SPOP: variants seen among roughly 807,000 people sequenced by gnomAD.
The protein encoded by SPOP is speckle-type POZ protein.
A neutral mutation model predicts 45.6 loss-of-function variants in SPOP; 11 were observed. The observed-to-expected ratio is 0.24, with a 90% CI of 0.15 to 0.40. The LOEUF (loss-of-function observed/expected upper bound fraction) is 0.40, where lower values mean the gene tolerates loss of function less well. Ranked by LOEUF, SPOP falls within the 10% of genes least tolerant of loss-of-function variation. The pLI is 1.00. For missense variants in SPOP, 152 were observed against 465.6 expected (o/e 0.33, Z 6.20); for synonymous variants, 166 against 166.3 (o/e 1.00, Z 0.01).
chr17:49,607,495 A>C, intron 7 of SPOP, 123 bp from the exon 8 acceptor site: 2 of 1,266,138 alleles, frequency 1.6e-6, no homozygotes, highest in Non-Finnish European at 2.1e-6. Context: ...CCTAACATTA[A>C]TGGAAAATTT....
chr17:49,674,372 T>C lies in SPOP; in HGVS notation c.-67+3561A>G, dbSNP rs1468804088. 2.0e-5 allele frequency among the ~76,000 whole-genome samples: 3 copies of C among 152,210 alleles called. No individual in the cohort carries two copies. The East Asian group carries it at 5.8e-4, about 29-fold the overall frequency. On this transcript the variant is annotated intron_variant, in intron 1 of 9. Transcript: ENST00000504102. ...TGATGGGAGACTTTTTATTATTGCT[T>C]CAATCTCGTTACTCACTATTATTGA...
At chr17:49,662,686 C>CAA (rs1328037454) in intron 1 of SPOP, among the ~76,000 whole-genome samples, 1 of 117,366 alleles carries the variant, frequency 8.5e-6, no homozygotes, top group Middle Eastern at 4.4e-3. Flanking sequence ...GACTCCATCT[C>CAA]AAAAAAAAAA....
intron 6 of SPOP, 77 bp from the exon 7 acceptor site, chr17:49,608,006 G>C: frequency 7.3e-7 from 1 of 1,361,136 alleles, no homozygotes; most frequent in Non-Finnish European, 1.0e-6. Context: ...ATGAGGGAGA[G>C]ATCATTTTCT....
intron 8 of SPOP, among the ~76,000 whole-genome samples, chr17:49,605,183 G>C (rs1217230938): frequency 6.6e-6 from 1 of 152,156 alleles, no homozygotes; most frequent in Admixed American, 6.5e-5. Flanking sequence ...ATTGAAATGT[G>C]TCATGAAGTA....
Position 49,653,409 on chromosome 17 carries a change from C to CAT in SPOP, c.-67+24522_-67+24523dup, listed in dbSNP as rs201627354. On this transcript the variant is annotated intron_variant, in intron 1 of 9. Transcript: ENST00000504102. Reference sequence around the variant, plus strand: ...AATGAACACAACAGGCATCTACCAGCATATATATATATAAAATACAAATAA... The same window carrying CAT: ...AATGAACACAACAGGCATCTACCAGCATATATATATATATAAAATACAAATAA... Among the ~76,000 whole-genome samples the CAT allele has an allele frequency of 4.8e-4, 72 of 151,328 alleles. 1 individual carries two copies. Among genetic ancestry groups the CAT allele is most frequent in the South Asian group, 1.3e-3 (6 of 4,796 alleles).
chr17:49,644,654 A>G (rs1400018889), intron 1 of SPOP, among the ~76,000 whole-genome samples: 1 of 152,208 alleles, frequency 6.6e-6, no homozygotes, highest in Admixed American at 6.5e-5. Context: ...GAAGACCTAG[A>G]TCTGAATCTA....
intron 8 of SPOP, among the ~76,000 whole-genome samples, chr17:49,605,661 G>A (rs560572856): frequency 1.3e-5 from 2 of 151,634 alleles, no homozygotes; most frequent in East Asian, 3.9e-4. Flanking sequence ...CTGCACTCCA[G>A]CCTGGGCAAC....
chr17:49,672,877 G>A (rs577786393), intron 1 of SPOP, among the ~76,000 whole-genome samples: 14 of 152,144 alleles, frequency 9.2e-5, no homozygotes, highest in East Asian at 1.9e-4. Flanking sequence ...AACCCTGGAC[G>A]CAAAGGTTGC....
At chr17:49,614,139 TAC>T (rs1391491512) in intron 5 of SPOP, among the ~76,000 whole-genome samples, 2 of 152,204 alleles carry the variant, frequency 1.3e-5, no homozygotes, top group Non-Finnish European at 2.9e-5. Context: ...CCCAGGGAAA[TAC>T]ATTTTTTAAC....
intron 1 of SPOP, among the ~76,000 whole-genome samples, chr17:49,665,472 A>G (rs1390902513): frequency 1.3e-5 from 2 of 151,598 alleles, no homozygotes; most frequent in Non-Finnish European, 2.9e-5. Context: ...AAAATTAGCC[A>G]GGCGTGGTGG....
rs556410705 is a variant in SPOP, at chr17:49,659,701, C to T, written c.-67+18232G>A. Among the ~76,000 whole-genome samples the T allele has an allele frequency of 2.6e-5, 4 of 152,304 alleles. No individual in the cohort carries two copies. The South Asian group carries it at 8.3e-4, about 32-fold the overall frequency. On this transcript the variant is annotated intron_variant, in intron 1 of 9. Transcript: ENST00000504102. Reference sequence around the variant, plus strand: ...TGATATAAAATTGTATTACCTCAAGCTCTGATTTCATTTCAAGCTCCACTC... The same window carrying T: ...TGATATAAAATTGTATTACCTCAAGTTCTGATTTCATTTCAAGCTCCACTC...
intron 5 of SPOP, among the ~76,000 whole-genome samples, chr17:49,614,754 G>T (rs1751719880): frequency 6.6e-6 from 1 of 151,304 alleles, no homozygotes; most frequent in South Asian, 2.1e-4. Flanking sequence ...AAAATGAATA[G>T]ATTCATTTAT....
At chr17:49,666,726 G>A (rs1056674694) in intron 1 of SPOP, among the ~76,000 whole-genome samples, 3 of 152,152 alleles carry the variant, frequency 2.0e-5, no homozygotes, top group African/African-American at 7.2e-5. Context: ...TACTTGAGAG[G>A]CTGAGGCAGG....
intron 1 of SPOP, among the ~76,000 whole-genome samples, chr17:49,632,840 A>G (rs1383223517): frequency 6.6e-6 from 1 of 152,228 alleles, no homozygotes; most frequent in African/African-American, 2.4e-5. Context: ...GCATCTACTT[A>G]TATTTGATCT....
Position 49,619,177 on chromosome 17 carries a change from G to A in SPOP, c.352+57C>T, listed in dbSNP as rs2143267279. The A allele has an allele frequency of 6.2e-7, 1 of 1,613,764 alleles. No homozygotes were observed. On this transcript the variant is annotated intron_variant, in intron 4 of 9. Transcript: ENST00000504102. The surrounding 1 kb of genome is among the most constrained non-coding windows in gnomAD (Gnocchi z 4.9). The stretch of plus-strand genomic sequence containing the variant: ...ACCAGATCAAAGCCACAACTTGTCA[G>A]TGTATGAAACTTCTGGATGTGAAAC...
chr17:49,609,306 TG>T (rs2143174640), intron 6 of SPOP, among the ~76,000 whole-genome samples: 1 of 152,330 alleles, frequency 6.6e-6, no homozygotes, highest in South Asian at 2.1e-4. Context: ...CAATTCTCAT[TG>T]TTCTTATTTC....
chr17:49,671,414 A>G (rs1315671183), intron 1 of SPOP, among the ~76,000 whole-genome samples: 1 of 151,984 alleles, frequency 6.6e-6, no homozygotes, highest in Non-Finnish European at 1.5e-5. Flanking sequence ...GTTAAGGGTA[A>G]GGGTTCTGCA....
intron 1 of SPOP, among the ~76,000 whole-genome samples, chr17:49,642,180 T>C (rs1223778000): frequency 6.6e-6 from 1 of 152,178 alleles, no homozygotes; most frequent in Non-Finnish European, 1.5e-5. Flanking sequence ...GTACTTACTA[T>C]ATATACTATT....
At chr17:49,612,210 C>T (rs2071989456) in intron 5 of SPOP, among the ~76,000 whole-genome samples, 1 of 152,144 alleles carries the variant, frequency 6.6e-6, no homozygotes, top group Non-Finnish European at 1.5e-5. Context: ...GCCTAAAAGA[C>T]GTTATTTTAG....
Sources: gnomAD v4.1 joint callset for allele counts (sites outside exome capture counted in the v4.1 genomes callset) on GRCh38, gnomAD v4.1.1 for gene constraint, Gnocchi (gnomAD v3.1) non-coding constraint, MANE v1.5 for transcripts, NCBI Gene and HGNC (gene_info 2026-07-23, HGNC 2026-07-21) for gene names.